Variants in FAM107B observed in about 807,000 individuals in gnomAD.
FAM107B encodes the protein family with sequence similarity 107 member B.
Under a neutral mutation model 31.5 loss-of-function variants are expected in FAM107B, and 21 were observed. That is an observed-to-expected ratio of 0.67 (90% CI 0.47 to 0.96). The LOEUF (loss-of-function observed/expected upper bound fraction) is 0.96. Ranked by LOEUF, FAM107B falls within the 40% of genes least tolerant of loss-of-function variation. The probability of loss-of-function intolerance (pLI) is 0.00; values close to 1 mark genes in which losing one functional copy is unlikely to be tolerated. For synonymous variants in FAM107B, 157 were observed against 141.5 expected, an observed-to-expected ratio of 1.11 and a Z score of -0.78; for missense variants, 452 against 377.1, an observed-to-expected ratio of 1.20 and a Z score of -1.64.
At chr10:14,618,325 C>T (rs1852905081) in intron 2 of FAM107B, among the ~76,000 whole-genome samples, 1 of 152,122 alleles carries the variant, frequency 6.6e-6, no homozygotes, top group Non-Finnish European at 1.5e-5. Context: ...GGCTTGTTTG[C>T]AGTTTGGGGT....
At chr10:14,668,439 GA>G (rs920238388) in intron 1 of FAM107B, among the ~76,000 whole-genome samples, 2 of 152,122 alleles carry the variant, frequency 1.3e-5, no homozygotes, top group African/African-American at 4.8e-5. Context: ...ATGTACTTTC[GA>G]AAGTTCCATC....
chr10:14,715,591 A>C (rs1855761713), intron 1 of FAM107B, among the ~76,000 whole-genome samples: 1 of 152,146 alleles, frequency 6.6e-6, no homozygotes, highest in Non-Finnish European at 1.5e-5. Context: ...TAATTAGGAG[A>C]CTAACTAAAG....
intron 3 of FAM107B, 28 bp downstream of exon 3, chr10:14,530,304 A>C (rs1846815317): frequency 6.3e-7 from 1 of 1,586,782 alleles, no homozygotes; most frequent in African/African-American, 1.4e-5. Flanking sequence ...CCTCTTAAAA[A>C]AAAAATATGC....
intron 1 of FAM107B, among the ~76,000 whole-genome samples, chr10:14,765,772 T>C (rs1319919382): frequency 6.6e-6 from 1 of 152,204 alleles, no homozygotes; most frequent in Non-Finnish European, 1.5e-5. Flanking sequence ...TTTGTTTTTG[T>C]AGGTAGGCTA....
intron 1 of FAM107B, among the ~76,000 whole-genome samples, chr10:14,749,836 T>C (rs572994224): frequency 6.6e-6 from 1 of 152,138 alleles, no homozygotes; most frequent in Non-Finnish European, 1.5e-5. Flanking sequence ...ACAAATGTGT[T>C]ATGGAGGGGT....
intron 2 of FAM107B, among the ~76,000 whole-genome samples, chr10:14,654,829 C>T (rs544442468): frequency 6.6e-6 from 1 of 152,092 alleles, no homozygotes; most frequent in Non-Finnish European, 1.5e-5. Flanking sequence ...TTAAATGCCC[C>T]TCAGTGGATG....
chr10:14,736,673 T>G (rs1168464739), intron 1 of FAM107B, among the ~76,000 whole-genome samples: 1 of 152,212 alleles, frequency 6.6e-6, no homozygotes, highest in Non-Finnish European at 1.5e-5. Context: ...ATAAACATCA[T>G]AAATCATTAA....
At chr10:14,722,959 G>T (rs970940124) in intron 1 of FAM107B, among the ~76,000 whole-genome samples, 7 of 152,116 alleles carry the variant, frequency 4.6e-5, no homozygotes, top group Non-Finnish European at 7.4e-5. Flanking sequence ...CTCATATTTA[G>T]ATCTTTGATA....
chr10:14,620,072 T>A (rs1193324128), intron 2 of FAM107B, among the ~76,000 whole-genome samples: 1 of 143,660 alleles, frequency 7.0e-6, no homozygotes, highest in South Asian at 2.2e-4. Context: ...CAGGCTGGAG[T>A]GCAGTGGCAC....
chr10:14,541,203 G>A lies in FAM107B; in HGVS notation c.470-10688C>T, dbSNP rs545709104. Among the ~76,000 whole-genome samples, 12 of 152,144 alleles carry A rather than the reference G, an allele frequency of 7.9e-5. No homozygotes were observed. The South Asian group carries it at 1.2e-3, about 16-fold the overall frequency. ...CTTCTCCATGGCCTCCATCCCCTCC[G>A]GTTGCCTTTCCCTCTAATCCGGCTG... On this transcript the variant is annotated intron_variant, in intron 2 of 4. Coordinates refer to ENST00000181796, the MANE Select transcript of FAM107B (RefSeq NM_031453.4).
At chr10:14,547,909 C>T (rs1388194416) in intron 2 of FAM107B, among the ~76,000 whole-genome samples, 1 of 152,252 alleles carries the variant, frequency 6.6e-6, no homozygotes, top group Non-Finnish European at 1.5e-5. Context: ...CTGTCTGGGT[C>T]TTTGGAGGAT....
At chr10:14,682,307 T>A (rs1854855565) in intron 1 of FAM107B, among the ~76,000 whole-genome samples, 1 of 152,100 alleles carries the variant, frequency 6.6e-6, no homozygotes, top group Non-Finnish European at 1.5e-5. Context: ...GGTGGGTGGA[T>A]CATCTGAGGT....
chr10:14,761,694 G>A (rs2131591500), intron 1 of FAM107B, among the ~76,000 whole-genome samples: 1 of 152,166 alleles, frequency 6.6e-6, no homozygotes, highest in Non-Finnish European at 1.5e-5. Flanking sequence ...CCACCTCCCA[G>A]ATTCAAGCGA....
At chr10:14,591,940 T>TG (rs540828491) in intron 2 of FAM107B, among the ~76,000 whole-genome samples, 23 of 147,188 alleles carry the variant, frequency 1.6e-4, no homozygotes, top group African/African-American at 5.8e-4. Flanking sequence ...GTCAATAGCA[T>TG]GGGGGGAAGG....
chr10:14,578,792 A>C (rs183022741), intron 2 of FAM107B, among the ~76,000 whole-genome samples: 1 of 152,328 alleles, frequency 6.6e-6, no homozygotes, highest in African/African-American at 2.4e-5. Flanking sequence ...TATGCATACC[A>C]TTCCTGGCAA....
At chr10:14,580,710 T>TA (rs1427950245) in intron 2 of FAM107B, among the ~76,000 whole-genome samples, 2 of 151,976 alleles carry the variant, frequency 1.3e-5, no homozygotes, top group Non-Finnish European at 2.9e-5. Flanking sequence ...AAAAAACTGT[T>TA]AAAGGCCAAA....
intron 2 of FAM107B, among the ~76,000 whole-genome samples, chr10:14,543,564 A>C (rs556195870): frequency 1.3e-5 from 2 of 152,166 alleles, no homozygotes; most frequent in East Asian, 1.9e-4. Context: ...TCTCAGCTGC[A>C]CTGTGTCCTT....
At chr10:14,624,520 T>G (rs1289127087) in intron 2 of FAM107B, among the ~76,000 whole-genome samples, 3 of 151,954 alleles carry the variant, frequency 2.0e-5, no homozygotes, top group Admixed American at 2.0e-4. Context: ...CCTGTAATCC[T>G]AGCTACTCGG....
intron 3 of FAM107B, among the ~76,000 whole-genome samples, chr10:14,524,678 T>A (rs1442449384): frequency 2.0e-5 from 3 of 152,238 alleles, no homozygotes; most frequent in Non-Finnish European, 4.4e-5. Context: ...TTCATGACTA[T>A]CAAAAAGTCT....
Sources: allele counts gnomAD v4.1 joint callset (sites outside exome capture counted in the v4.1 genomes callset), GRCh38; gene constraint gnomAD v4.1.1; transcripts MANE v1.5; gene names NCBI Gene and HGNC (gene_info 2026-07-23, HGNC 2026-07-21).